SCAPER: variants seen among roughly 807,000 people sequenced by gnomAD.
The protein encoded by SCAPER is S phase cyclin A-associated protein in the endoplasmic reticulum.
SCAPER carries 98 observed loss-of-function variants against 182.2 expected under a neutral mutation model. The ratio of observed to expected loss-of-function variants is 0.54; its 90% CI spans 0.46 to 0.64. The LOEUF is 0.64. Among genes scored for constraint, SCAPER ranks in the 30% least tolerant of loss-of-function variants. The pLI is 0.00. For missense variants in SCAPER, 1,432 were observed against 1,690.0 expected (o/e 0.85, Z 2.68); for synonymous variants, 605 against 564.6 (o/e 1.07, Z -1.01).
At chr15:76,733,166 G>T (rs1445474667) in intron 16 of SCAPER, 63 bp downstream of exon 16, 3 of 1,466,536 alleles carry the variant, frequency 2.0e-6, no homozygotes, top group South Asian at 2.6e-5. Flanking sequence ...CCGACCCTGC[G>T]GGGCTGGACC....
At chr15:76,518,100 G>C (rs1192529010) in intron 23 of SCAPER, among the ~76,000 whole-genome samples, 1 of 152,174 alleles carries the variant, frequency 6.6e-6, no homozygotes, top group Non-Finnish European at 1.5e-5. Flanking sequence ...CAGCAGGAGG[G>C]AAACAGGCCT....
At chr15:76,437,864 G>C (rs560552604) in intron 25 of SCAPER, among the ~76,000 whole-genome samples, 1 of 152,290 alleles carries the variant, frequency 6.6e-6, no homozygotes, top group Non-Finnish European at 1.5e-5. Context: ...CACATACATA[G>C]TCAAGGGAGC....
chr15:76,382,902 A>G (rs1302518529), intron 27 of SCAPER, among the ~76,000 whole-genome samples: 1 of 152,076 alleles, frequency 6.6e-6, no homozygotes, highest in African/African-American at 2.4e-5. Context: ...CTCTTTCTTC[A>G]TGACACTCTG....
intron 27 of SCAPER, among the ~76,000 whole-genome samples, chr15:76,382,796 G>T (rs975895897): frequency 6.6e-6 from 1 of 152,092 alleles, no homozygotes; most frequent in African/African-American, 2.4e-5. Context: ...TTGCTGAGAC[G>T]CTTGGGAAGA....
At chr15:76,735,367 T>C (rs1233056381) in intron 15 of SCAPER, among the ~76,000 whole-genome samples, 1 of 151,912 alleles carries the variant, frequency 6.6e-6, no homozygotes, top group Non-Finnish European at 1.5e-5. Flanking sequence ...AGTGAGACCC[T>C]GTCTCATTTA....
intron 27 of SCAPER, among the ~76,000 whole-genome samples, chr15:76,397,027 T>A (rs897952469): frequency 8.2e-4 from 117 of 143,090 alleles, no homozygotes; most frequent in African/African-American, 2.2e-3. Flanking sequence ...TTTTTTTTTT[T>A]AAATCATGAA....
intron 22 of SCAPER, among the ~76,000 whole-genome samples, chr15:76,613,744 A>G (rs2051204373): frequency 6.6e-6 from 1 of 152,216 alleles, no homozygotes. Flanking sequence ...CTACGATTTA[A>G]AAGTCAAAAA....
chr15:76,634,690 T>C (rs2053444777), intron 21 of SCAPER, among the ~76,000 whole-genome samples: 1 of 152,238 alleles, frequency 6.6e-6, no homozygotes, highest in South Asian at 2.1e-4. Flanking sequence ...AATTACTTTA[T>C]TCTTTTAGAT....
intron 17 of SCAPER, among the ~76,000 whole-genome samples, chr15:76,727,637 T>C (rs1236818017): frequency 1.3e-5 from 2 of 152,056 alleles, no homozygotes; most frequent in Non-Finnish European, 2.9e-5. Context: ...TTTTGAAGAA[T>C]GTCTTATGAC....
At chr15:76,429,936 G>C (rs781306724) in intron 26 of SCAPER, among the ~76,000 whole-genome samples, 30 of 152,304 alleles carry the variant, frequency 2.0e-4, no homozygotes, top group Non-Finnish European at 3.5e-4. Context: ...AGGAGGAAAA[G>C]ATGGTTTAGT....
intron 26 of SCAPER, among the ~76,000 whole-genome samples, chr15:76,424,544 C>A (rs1000313534): frequency 3.3e-5 from 5 of 152,132 alleles, no homozygotes; most frequent in African/African-American, 4.8e-5. Context: ...CTGAATACAG[C>A]ACATTGATGG....
At chr15:76,764,068 C>G (rs2151270940) in intron 14 of SCAPER, among the ~76,000 whole-genome samples, 1 of 152,226 alleles carries the variant, frequency 6.6e-6, no homozygotes, top group South Asian at 2.1e-4. Context: ...CTTAAAGAAG[C>G]AGTCACCTTC....
chr15:76,384,744 G>A (rs28461510), intron 27 of SCAPER, among the ~76,000 whole-genome samples: 12,712 of 152,186 alleles, frequency 0.084, 615 homozygotes, highest in Middle Eastern at 0.12. Context: ...TGTCCCATTT[G>A]GCTTCCACAG....
At position 76,491,107 on chromosome 15, in the gene SCAPER, T is replaced by TA. The variant is rs778005752; in HGVS notation, c.2954+13751dup. 8.8e-3 allele frequency among the ~76,000 whole-genome samples: 1,339 copies of TA among 151,680 alleles called. 21 individuals are homozygous for TA. The highest frequency in any genetic ancestry group is 0.012 in the Non-Finnish European group (812 of 67,810). ...TAATCAATAAAGAATAATTTCTAGC[T>TA]AAAAAAAAATCAGTTGACTGTATAT... On this transcript the variant is annotated intron_variant, in intron 24 of 31. Transcript: ENST00000563290.
chr15:76,646,785 A>G (rs768820185), intron 21 of SCAPER, among the ~76,000 whole-genome samples: 1 of 152,222 alleles, frequency 6.6e-6, no homozygotes, highest in Non-Finnish European at 1.5e-5. Context: ...CTACTAATTA[A>G]TTTTAGAACA....
intron 15 of SCAPER, among the ~76,000 whole-genome samples, chr15:76,752,813 C>A (rs921288276): frequency 6.6e-6 from 1 of 151,446 alleles, no homozygotes; most frequent in Non-Finnish European, 1.5e-5. Flanking sequence ...GTGATGACTG[C>A]ATAACATGAA....
In SCAPER at chr15:76,376,199, C is replaced by A. The variant is rs1567020043; in HGVS notation, c.3818G>T (p.Cys1273Phe). ...GTGGTTGACAGTGAAGTAGCCCACA[C>A]AGACGATGACCTCATGAAGGAGGCT... ...CESLLHEVIV[C>F]VGYFTVNHPD... Residue 1273 changes from cysteine (C) to phenylalanine (F), a missense_variant, in exon 29 of 32, where the codon TGT becomes TTT. Coordinates refer to ENST00000563290, the MANE Select transcript of SCAPER (RefSeq NM_020843.4). 1 of 1,614,012 alleles carries A rather than the reference C, an allele frequency of 6.2e-7. No individual in the cohort carries two copies.
intron 25 of SCAPER, among the ~76,000 whole-genome samples, chr15:76,447,267 C>T (rs1596669954): frequency 6.6e-6 from 1 of 152,172 alleles, no homozygotes; most frequent in Admixed American, 6.5e-5. Context: ...CTATAAATCT[C>T]TTCATCTGTA....
At chr15:76,362,262 C>T (rs1596302292) in intron 29 of SCAPER, among the ~76,000 whole-genome samples, 1 of 151,900 alleles carries the variant, frequency 6.6e-6, no homozygotes, top group Admixed American at 6.6e-5. Context: ...CATGGGCCAC[C>T]GCGCTCAGCC....
Sources: gnomAD v4.1 joint callset for allele counts (sites outside exome capture counted in the v4.1 genomes callset) on GRCh38, gnomAD v4.1.1 for gene constraint, MANE v1.5 for transcripts, NCBI Gene and HGNC (gene_info 2026-07-23, HGNC 2026-07-21) for gene names.